The following GRM1 variants were observed in gnomAD, a reference collection of about 807,000 sequenced individuals.
GRM1 encodes the protein glutamate metabotropic receptor 1.
In GRM1, 33 loss-of-function variants were observed where a neutral mutation model predicts 90.9. That is an observed-to-expected ratio of 0.36 (90% CI 0.28 to 0.49). The LOEUF (loss-of-function observed/expected upper bound fraction) is 0.49, where lower values mean the gene tolerates loss of function less well. Among genes scored for constraint, GRM1 ranks in the 20% least tolerant of loss-of-function variants. GRM1 has a pLI of 0.99. For missense variants in GRM1, 1,190 were observed against 1,534.3 expected (o/e 0.78, Z 3.75); for synonymous variants, 700 against 613.2 (o/e 1.14, Z -2.09).
intron 1 of GRM1, among the ~76,000 whole-genome samples, chr6:146,074,498 C>T (rs1776118697): frequency 1.3e-5 from 2 of 152,108 alleles, no homozygotes; most frequent in Admixed American, 6.5e-5. Flanking sequence ...ACCCAGAGAC[C>T]TGGAAGTCTT....
At chr6:146,385,422 T>A (rs1776467083) in intron 5 of GRM1, among the ~76,000 whole-genome samples, 1 of 151,902 alleles carries the variant, frequency 6.6e-6, no homozygotes, top group Non-Finnish European at 1.5e-5. Context: ...AAATAGAATA[T>A]ATATATACGG....
intron 1 of GRM1, among the ~76,000 whole-genome samples, chr6:146,074,720 ATTAC>A (rs1776126680): frequency 6.6e-6 from 1 of 152,028 alleles, no homozygotes; most frequent in Non-Finnish European, 1.5e-5. Context: ...TTTGGCTGGG[ATTAC>A]TTGGACTTTT....
At chr6:146,107,360 G>GTT (rs67390004) in intron 1 of GRM1, among the ~76,000 whole-genome samples, 6 of 145,852 alleles carry the variant, frequency 4.1e-5, no homozygotes, top group Admixed American at 6.9e-5. Flanking sequence ...TTTCCAGGTA[G>GTT]TTTTTTTTTT....
chr6:146,247,471 G>C (rs535814970), intron 2 of GRM1, among the ~76,000 whole-genome samples: 2 of 152,058 alleles, frequency 1.3e-5, no homozygotes, highest in African/African-American at 4.8e-5. Flanking sequence ...ACATATGGCC[G>C]GGTGCAGCAG....
At chr6:146,050,006 T>C (rs1400104515) in intron 1 of GRM1, among the ~76,000 whole-genome samples, 1 of 152,000 alleles carries the variant, frequency 6.6e-6, no homozygotes, top group African/African-American at 2.4e-5. Flanking sequence ...TATAATCTCC[T>C]GTATAAGGAG....
At chr6:146,267,521 G>A (rs1781936992) in intron 2 of GRM1, among the ~76,000 whole-genome samples, 1 of 152,146 alleles carries the variant, frequency 6.6e-6, no homozygotes, top group Non-Finnish European at 1.5e-5. Flanking sequence ...GCAAGCTGCA[G>A]AGCAAGGAGA....
chr6:146,046,906 G>A (rs1791352799), intron 1 of GRM1, among the ~76,000 whole-genome samples: 1 of 151,952 alleles, frequency 6.6e-6, no homozygotes, highest in Non-Finnish European at 1.5e-5. Flanking sequence ...ACTTCCAGTA[G>A]GGATATTGGG....
At chr6:146,066,540 C>T (rs775902532) in intron 1 of GRM1, among the ~76,000 whole-genome samples, 12 of 151,918 alleles carry the variant, frequency 7.9e-5, no homozygotes, top group Non-Finnish European at 1.5e-4. Flanking sequence ...TCTTTTTGGT[C>T]GAACAGTTTA....
chr6:146,365,693 C>G, intron 5 of GRM1, among the ~76,000 whole-genome samples: 2 of 152,286 alleles, frequency 1.3e-5, no homozygotes, highest in Middle Eastern at 3.4e-3. Context: ...CTAGAACACT[C>G]TTTCACCAGA....
intron 1 of GRM1, among the ~76,000 whole-genome samples, chr6:146,158,246 A>C (rs1194050862): frequency 6.6e-6 from 1 of 152,212 alleles, no homozygotes; most frequent in Non-Finnish European, 1.5e-5. Flanking sequence ...AGAAGCAATT[A>C]AGAGGTAGAC....
At chr6:146,423,360 C>T (rs139812891) in intron 7 of GRM1, among the ~76,000 whole-genome samples, 21 of 152,292 alleles carry the variant, frequency 1.4e-4, no homozygotes, top group African/African-American at 5.1e-4. Flanking sequence ...TAATAAAACA[C>T]TCCTTTCATA....
At chr6:146,274,256 TC>T (rs1327808056) in intron 2 of GRM1, among the ~76,000 whole-genome samples, 1 of 152,230 alleles carries the variant, frequency 6.6e-6, no homozygotes, top group African/African-American at 2.4e-5. Flanking sequence ...CATAATTTTA[TC>T]TAAATGTTGT....
intron 1 of GRM1, among the ~76,000 whole-genome samples, chr6:146,056,075 A>T (rs1025448313): frequency 6.6e-6 from 1 of 152,180 alleles, no homozygotes; most frequent in Non-Finnish European, 1.5e-5. Flanking sequence ...AAAAATAGCC[A>T]GATTAGAACT....
chr6:146,173,075 T>C (rs960388274), intron 2 of GRM1, among the ~76,000 whole-genome samples: 2 of 152,020 alleles, frequency 1.3e-5, no homozygotes, highest in Non-Finnish European at 2.9e-5. Flanking sequence ...TGCTGCAGTA[T>C]GCAAGTTCTT....
Position 146,029,834 on chromosome 6 carries a change from G to C in GRM1, c.317G>C (p.Arg106Pro), listed in dbSNP as rs1250233997. The part of the protein sequence containing the change: ...LPNITLGSEI[R>P]DSCWHSSVAL... ...AACATCACCCTGGGCAGTGAGATCC[G>C]GGACTCCTGCTGGCACTCTTCCGTG... Residue 106 changes from arginine to proline, a missense_variant, in exon 1 of 8, where the codon CGG becomes CCG. Arg to Pro is a moderately radical substitution (Grantham distance 103). Transcript: ENST00000282753. 1 of 1,614,130 alleles carries C rather than the reference G, an allele frequency of 6.2e-7. No individual in the cohort carries two copies. Among genetic ancestry groups the C allele is most frequent in the Admixed American group, 1.7e-5 (1 of 60,026 alleles).
At chr6:146,403,721 G>T (rs542587981) in intron 7 of GRM1, among the ~76,000 whole-genome samples, 2 of 152,038 alleles carry the variant, frequency 1.3e-5, no homozygotes, top group East Asian at 3.8e-4. Flanking sequence ...ATGTATTAGT[G>T]AGTTTACAGA....
intron 2 of GRM1, among the ~76,000 whole-genome samples, chr6:146,269,025 AT>A (rs965841127): frequency 1.3e-5 from 2 of 152,166 alleles, no homozygotes; most frequent in East Asian, 1.9e-4. Flanking sequence ...CAGAGTTCTA[AT>A]TTTTTTTCCC....
At chr6:146,301,502 C>G (rs1783378825) in intron 2 of GRM1, among the ~76,000 whole-genome samples, 1 of 152,172 alleles carries the variant, frequency 6.6e-6, no homozygotes, top group Admixed American at 6.5e-5. Flanking sequence ...ACAGCAAGTT[C>G]ATTTCGTACA....
At chr6:146,285,982 C>T (rs1342258950) in intron 2 of GRM1, among the ~76,000 whole-genome samples, 1 of 152,058 alleles carries the variant, frequency 6.6e-6, no homozygotes, top group African/African-American at 2.4e-5. Context: ...TATTTTTTTG[C>T]ATGGAGTTGA....
Sources: allele counts gnomAD v4.1 joint callset (sites outside exome capture counted in the v4.1 genomes callset), GRCh38; gene constraint gnomAD v4.1.1; transcripts MANE v1.5; gene names NCBI Gene and HGNC (gene_info 2026-07-23, HGNC 2026-07-21).